WWOX: variants seen among roughly 807,000 people sequenced by gnomAD.
WWOX encodes the protein WW domain-containing oxidoreductase.
In WWOX, 69 loss-of-function variants were observed where a neutral mutation model predicts 46.2. That is an observed-to-expected ratio of 1.49 (90% CI 1.23 to 1.82). The LOEUF (loss-of-function observed/expected upper bound fraction) is 1.82, where lower values mean the gene tolerates loss of function less well. Among genes scored for constraint, WWOX ranks in the 40% most tolerant of loss-of-function variants. WWOX has a pLI of 0.00. For missense variants in WWOX, 919 were observed against 542.6 expected, an observed-to-expected ratio of 1.69 and a Z score of -6.89; for synonymous variants, 359 against 202.6, an observed-to-expected ratio of 1.77 and a Z score of -6.56.
intron 5 of WWOX, among the ~76,000 whole-genome samples, chr16:78,295,128 C>T (rs1231876464): frequency 6.6e-6 from 1 of 152,146 alleles, no homozygotes; most frequent in Non-Finnish European, 1.5e-5. Flanking sequence ...CTCATGTCCC[C>T]TTGGCTTCTG....
chr16:78,697,362 A>T (rs115058298), intron 8 of WWOX, among the ~76,000 whole-genome samples: 2 of 152,180 alleles, frequency 1.3e-5, no homozygotes, highest in African/African-American at 4.8e-5. Context: ...CCATTCTTGC[A>T]GGAGTAAGAT....
chr16:78,838,121 G>A (rs2052040215), intron 8 of WWOX, among the ~76,000 whole-genome samples: 2 of 152,166 alleles, frequency 1.3e-5, no homozygotes, highest in Non-Finnish European at 2.9e-5. Flanking sequence ...TAGCTTGAGA[G>A]CCTCCTCCTT....
At chr16:78,396,983 C>T (rs1193414491) in intron 6 of WWOX, among the ~76,000 whole-genome samples, 1 of 152,300 alleles carries the variant, frequency 6.6e-6, no homozygotes, top group South Asian at 2.1e-4. Flanking sequence ...ATTCATTTTA[C>T]TAGCACCCTT....
At chr16:78,761,781 AG>A (rs2049800428) in intron 8 of WWOX, among the ~76,000 whole-genome samples, 1 of 152,172 alleles carries the variant, frequency 6.6e-6, no homozygotes, top group African/African-American at 2.4e-5. Context: ...CCTTGGTGTG[AG>A]GAGAAAGATA....
chr16:78,106,315 T>G (rs1371823141), intron 1 of WWOX, among the ~76,000 whole-genome samples: 9 of 152,108 alleles, frequency 5.9e-5, no homozygotes, highest in Non-Finnish European at 1.5e-5. Flanking sequence ...CTGTTGCCAT[T>G]CATTTTGAAG....
At chr16:78,909,548 C>T (rs751433279) in intron 8 of WWOX, among the ~76,000 whole-genome samples, 2 of 152,196 alleles carry the variant, frequency 1.3e-5, no homozygotes, top group Admixed American at 1.3e-4. Flanking sequence ...TTTTAACCCT[C>T]AGCCTCTCTT....
chr16:78,414,991 G>C (rs1280310323), intron 6 of WWOX, among the ~76,000 whole-genome samples: 1 of 151,644 alleles, frequency 6.6e-6, no homozygotes, highest in Admixed American at 6.6e-5. Context: ...TAAAAGAATG[G>C]CTACTCCATA....
At chr16:78,625,738 T>C (rs1014028209) in intron 8 of WWOX, among the ~76,000 whole-genome samples, 3 of 148,646 alleles carry the variant, frequency 2.0e-5, no homozygotes, top group African/African-American at 7.4e-5. Context: ...GTTTTACTTC[T>C]GCAGTTTTTT....
At chr16:79,049,484 A>G (rs896832586) in intron 8 of WWOX, among the ~76,000 whole-genome samples, 1 of 152,160 alleles carries the variant, frequency 6.6e-6, no homozygotes, top group Non-Finnish European at 1.5e-5. Context: ...GGGACACTCC[A>G]CAGAGAATGA....
chr16:78,323,272 A>G (rs1214324331), intron 5 of WWOX, among the ~76,000 whole-genome samples: 1 of 151,908 alleles, frequency 6.6e-6, no homozygotes, highest in East Asian at 1.9e-4. Context: ...ATGCCCGGCT[A>G]ATTTTTTTAT....
At chr16:78,782,422 G>A (rs560096910) in intron 8 of WWOX, among the ~76,000 whole-genome samples, 1 of 152,130 alleles carries the variant, frequency 6.6e-6, no homozygotes, top group Admixed American at 6.5e-5. Flanking sequence ...GCTCTCTTAT[G>A]CTGGGGCAAC....
chr16:78,798,872 C>A (rs1209179200), intron 8 of WWOX, among the ~76,000 whole-genome samples: 1 of 152,114 alleles, frequency 6.6e-6, no homozygotes, highest in Non-Finnish European at 1.5e-5. Flanking sequence ...ACAGATTAGG[C>A]AGTGTCCTTT....
At chr16:78,827,922 A>G (rs1259443321) in intron 8 of WWOX, among the ~76,000 whole-genome samples, 3 of 152,188 alleles carry the variant, frequency 2.0e-5, no homozygotes, top group Non-Finnish European at 4.4e-5. Context: ...GCACCTCCTC[A>G]TTAGGAGTCA....
intron 4 of WWOX, among the ~76,000 whole-genome samples, chr16:78,118,418 C>T (rs544537069): frequency 7.2e-5 from 11 of 152,064 alleles, no homozygotes; most frequent in African/African-American, 1.7e-4. Flanking sequence ...CAGGTATTAC[C>T]GCTGCTGACT....
intron 8 of WWOX, among the ~76,000 whole-genome samples, chr16:78,662,137 T>G (rs1256904797): frequency 1.3e-5 from 2 of 152,112 alleles, no homozygotes; most frequent in African/African-American, 4.8e-5. Flanking sequence ...TGCAGTAAGC[T>G]AGGATTAAGT....
At chr16:78,491,091 C>T (rs1208176472) in intron 8 of WWOX, among the ~76,000 whole-genome samples, 1 of 152,154 alleles carries the variant, frequency 6.6e-6, no homozygotes, top group Non-Finnish European at 1.5e-5. Context: ...CCAGCTGTGC[C>T]CTCTCCCCGA....
intron 5 of WWOX, among the ~76,000 whole-genome samples, chr16:78,360,148 C>T (rs1361492475): frequency 3.3e-5 from 5 of 152,148 alleles, no homozygotes; most frequent in Non-Finnish European, 7.3e-5. Flanking sequence ...ACACTATTCC[C>T]CCATCAACAA....
intron 8 of WWOX, among the ~76,000 whole-genome samples, chr16:78,682,379 A>T (rs184445518): frequency 3.3e-5 from 5 of 152,218 alleles, no homozygotes; most frequent in Non-Finnish European, 7.4e-5. Context: ...GTGAGGATGA[A>T]TGTTTCTGCA....
At chr16:78,669,692 C>T (rs545839036) in intron 8 of WWOX, among the ~76,000 whole-genome samples, 4 of 152,298 alleles carry the variant, frequency 2.6e-5, no homozygotes, top group African/African-American at 4.8e-5. Flanking sequence ...TTTGTTTGAG[C>T]TAAAAACTAG....
Sources: gnomAD v4.1 joint callset for allele counts (sites outside exome capture counted in the v4.1 genomes callset) on GRCh38, gnomAD v4.1.1 for gene constraint, MANE v1.5 for transcripts, NCBI Gene and HGNC (gene_info 2026-07-23, HGNC 2026-07-21) for gene names.